Variants in KYAT3 observed in about 807,000 individuals in gnomAD.
The protein encoded by KYAT3 is kynurenine--oxoglutarate transaminase 3.
Under a neutral mutation model 59.0 loss-of-function variants are expected in KYAT3, and 50 were observed. The observed-to-expected ratio is 0.85, with a 90% CI of 0.68 to 1.07. The LOEUF (loss-of-function observed/expected upper bound fraction) is 1.07. Ranked by LOEUF, KYAT3 falls within the 50% of genes least tolerant of loss-of-function variation. The pLI is 0.00. For missense variants in KYAT3, 497 were observed against 533.3 expected, an observed-to-expected ratio of 0.93 and a Z score of 0.67; for synonymous variants, 148 against 177.0, an observed-to-expected ratio of 0.84 and a Z score of 1.30.
intron 6 of KYAT3, 75 bp downstream of exon 6, chr1:88,961,984 T>G (rs138347313): frequency 2.0e-5 from 20 of 1,013,780 alleles, no homozygotes; most frequent in Non-Finnish European, 3.0e-5. Context: ...AACTTTATCA[T>G]GACAAAGTAA....
At chr1:88,961,958 A>C in intron 6 of KYAT3, 101 bp downstream of exon 6, 1 of 811,866 alleles carries the variant, frequency 1.2e-6, no homozygotes. Context: ...AAATCTCCAA[A>C]TGCAATCAAA....
chr1:88,956,500 A>T (rs187676928), intron 8 of KYAT3, among the ~76,000 whole-genome samples: 1 of 152,216 alleles, frequency 6.6e-6, no homozygotes, highest in Non-Finnish European at 1.5e-5. Context: ...CCAAAAATGA[A>T]TAAGATGCAA....
chr1:88,960,623 A>G (rs952518613), intron 8 of KYAT3, among the ~76,000 whole-genome samples: 1 of 152,150 alleles, frequency 6.6e-6, no homozygotes, highest in Non-Finnish European at 1.5e-5. Context: ...CAGGCAAAGG[A>G]AAGGGAGGTG....
the KYAT3 span, among the ~76,000 whole-genome samples, chr1:88,923,108 C>T: frequency 6.6e-6 from 1 of 152,190 alleles, no homozygotes; most frequent in Non-Finnish European, 1.5e-5. Context: ...CCTAAATCTC[C>T]AGTTGAGACA....
At chr1:88,931,880 CAA>C (rs57089214), downstream of KYAT3, among the ~76,000 whole-genome samples, 10 of 30,982 alleles carry the variant, frequency 3.2e-4, no homozygotes, top group African/African-American at 5.3e-4. Flanking sequence ...CCTGCAACTG[CAA>C]AAAAAAAAAA....
chr1:88,943,277 G>T, intron 12 of KYAT3, 73 bp downstream of exon 12: 1 of 1,044,938 alleles, frequency 9.6e-7, no homozygotes, highest in Non-Finnish European at 1.5e-6. Context: ...CGATTTCAAA[G>T]CATACCAGCA....
intron 2 of KYAT3, chr1:88,982,986 A>G: frequency 6.2e-7 from 1 of 1,613,554 alleles, no homozygotes; most frequent in East Asian, 2.2e-5. Context: ...GAATCTCTGT[A>G]GGAACCTCCA....
intron 2 of KYAT3, chr1:88,981,678 T>C: frequency 5.6e-6 from 1 of 178,730 alleles, no homozygotes; most frequent in Non-Finnish European, 1.3e-5. Flanking sequence ...TAGCATTTGA[T>C]TTCTCTTACT....
intron 2 of KYAT3, among the ~76,000 whole-genome samples, chr1:88,969,797 G>A (rs1311105196): frequency 3.3e-5 from 5 of 151,964 alleles, no homozygotes; most frequent in Admixed American, 1.3e-4. Flanking sequence ...ATATCCTACT[G>A]TGCCAAACTA....
chr1:88,952,154 T>C (rs1269881672), intron 10 of KYAT3, among the ~76,000 whole-genome samples: 1 of 152,210 alleles, frequency 6.6e-6, no homozygotes, highest in Non-Finnish European at 1.5e-5. Context: ...TTTGTGGTAA[T>C]TTGTTATAGC....
At chr1:88,982,907 CT>C in intron 2 of KYAT3, 1 of 1,613,994 alleles carries the variant, frequency 6.2e-7, no homozygotes, top group Non-Finnish European at 8.5e-7. Context: ...ATAGCGACTG[CT>C]TCCACCATAA....
intron 4 of KYAT3, among the ~76,000 whole-genome samples, chr1:88,967,993 C>T (rs577420417): frequency 6.6e-6 from 1 of 152,226 alleles, no homozygotes; most frequent in African/African-American, 2.4e-5. Context: ...GGATTCTCAC[C>T]AGTGTCAAAC....
intron 2 of KYAT3, among the ~76,000 whole-genome samples, chr1:88,973,812 C>T (rs147427467): frequency 2.0e-5 from 3 of 152,222 alleles, no homozygotes; most frequent in Admixed American, 6.5e-5. Context: ...GTATGTTGAA[C>T]CCATGATCTT....
chr1:88,929,759 A>G, the KYAT3 span, among the ~76,000 whole-genome samples: 8 of 152,172 alleles, frequency 5.3e-5, no homozygotes, highest in Admixed American at 3.9e-4. Flanking sequence ...CAAAGGCACC[A>G]GGGCCCTCAG....
intron 1 of KYAT3, among the ~76,000 whole-genome samples, chr1:88,992,233 C>T (rs1328996875): frequency 2.6e-5 from 4 of 152,198 alleles, no homozygotes; most frequent in Admixed American, 2.0e-4. Flanking sequence ...CCGCCTCGGC[C>T]TCCCAAAGTG....
chr1:88,961,920 G>T (rs1283446822), intron 6 of KYAT3, 139 bp downstream of exon 6: 5 of 653,902 alleles, frequency 7.6e-6, no homozygotes, highest in Admixed American at 2.9e-5. Context: ...ATTTTAAAAA[G>T]ACAACTAGAC....
intron 4 of KYAT3, among the ~76,000 whole-genome samples, chr1:88,966,948 CT>C (rs530666177): frequency 1.8e-3 from 275 of 151,934 alleles, no homozygotes; most frequent in African/African-American, 6.3e-3. Flanking sequence ...ATAAGATGAT[CT>C]TTTTTTTCTG....
intron 2 of KYAT3, among the ~76,000 whole-genome samples, chr1:88,978,802 T>C (rs897901816): frequency 2.9e-5 from 4 of 139,792 alleles, no homozygotes; most frequent in African/African-American, 1.0e-4. Flanking sequence ...TGAGCCTCCA[T>C]GCCCGGCCTT....
chr1:88,983,483 C>T, intron 2 of KYAT3: 3 of 1,614,160 alleles, frequency 1.9e-6, no homozygotes, highest in Non-Finnish European at 2.5e-6. Flanking sequence ...TCCTCCACTT[C>T]CTCCTCTTCC....
Sources: allele counts gnomAD v4.1 joint callset (sites outside exome capture counted in the v4.1 genomes callset), GRCh38; gene constraint gnomAD v4.1.1; transcripts MANE v1.5; gene names NCBI Gene and HGNC (gene_info 2026-07-23, HGNC 2026-07-21).